Variants in SFSWAP observed in about 807,000 individuals in gnomAD.
SFSWAP encodes the protein splicing factor, suppressor of white-apricot homolog.
A neutral mutation model predicts 100.7 loss-of-function variants in SFSWAP; 17 were observed. The ratio of observed to expected loss-of-function variants is 0.17; its 90% CI spans 0.12 to 0.25. The LOEUF is 0.25. SFSWAP is among the 10% of genes least tolerant of loss of function. The pLI, the probability that SFSWAP is intolerant of heterozygous loss-of-function variation, is 1.00. For missense variants in SFSWAP, 1,005 were observed against 1,262.6 expected (o/e 0.80, Z 3.09); for synonymous variants, 504 against 510.1 (o/e 0.99, Z 0.16).
intron 11 of SFSWAP, among the ~76,000 whole-genome samples, chr12:131,758,610 T>C (rs1454102709): frequency 6.6e-6 from 1 of 152,170 alleles, no homozygotes; most frequent in Non-Finnish European, 1.5e-5. Flanking sequence ...ATGGAAAATA[T>C]TATAAAACTA....
At position 131,786,585 on chromosome 12, in the gene SFSWAP, C is replaced by T; in HGVS notation, c.2531C>T (p.Ser844Phe). The change falls in exon 15 of 18, where the codon TCC becomes TTC. Residue 844 changes from serine (S) to phenylalanine (F), a missense_variant. Physicochemically the swap from Ser to Phe is radical, Grantham distance 155. Coordinates refer to ENST00000261674, the MANE Select transcript of SFSWAP (RefSeq NM_004592.4). ...GGGGCCAGTAGGAAGCGGACCCGCT[C>T]CAGGTAGGCCACTGGGTGTGCACGC... ...SPGASRKRTR[S>F]RSPHEKKKKR... The T allele has an allele frequency of 6.3e-7, 1 of 1,588,922 alleles. No individual in the cohort carries two copies.
At position 131,796,981 on chromosome 12, in the gene SFSWAP, AAATGGGGACGCGTC is replaced by A. The variant is rs1885722351; in HGVS notation, c.2535-195_2535-182del. 9.3e-6 allele frequency: 5 copies of A among 534,908 alleles called. No individual in the cohort carries two copies. In the African/African-American group the frequency reaches 9.5e-5, roughly 10 times the overall value. The allele number at this position is 534,908 out of a possible 1,614,324, so 33.1% of individuals were successfully genotyped here. On this transcript the variant is annotated intron_variant, in intron 15 of 17. Coordinates refer to ENST00000261674, the MANE Select transcript of SFSWAP (RefSeq NM_004592.4). ...CCACAAATATTTTACTTGAGGTCCTAAATGGGGACGCGTCATCTGTTATCAGTTAAATGAAATAA... is the reference window on the plus strand; with the variant it reads ...CCACAAATATTTTACTTGAGGTCCTAATCTGTTATCAGTTAAATGAAATAA...
rs867621881 is a variant in SFSWAP, at chr12:131,786,290, C to T, written c.2409-173C>T. Among the ~76,000 whole-genome samples, 94 of 152,280 alleles carry T rather than the reference C, an allele frequency of 6.2e-4. 2 individuals carry two copies. Among genetic ancestry groups the T allele is most frequent in the Middle Eastern group, 3.4e-3 (1 of 294 alleles). ...TTGGATTCGGGTTTCAGTTCGTTGT[C>T]GGTAAAGTAGTGAAGTGTGGCAGGG... On this transcript the variant is annotated intron_variant, in intron 14 of 17. Transcript: ENST00000261674.
intron 3 of SFSWAP, among the ~76,000 whole-genome samples, chr12:131,718,405 A>G (rs1227418502): frequency 6.6e-6 from 1 of 152,202 alleles, no homozygotes; most frequent in Non-Finnish European, 1.5e-5. Flanking sequence ...AAAGTTTGCT[A>G]TGATATTTTT....
In SFSWAP at chr12:131,711,480, C is replaced by G. The variant is rs555118505; in HGVS notation, c.218+33C>G. The G allele has an allele frequency of 6.5e-7, 1 of 1,535,780 alleles. No homozygotes were observed. Among genetic ancestry groups the G allele is most frequent in the South Asian group, 1.1e-5 (1 of 89,554 alleles). On this transcript the variant is annotated intron_variant, in intron 1 of 17. Coordinates refer to ENST00000261674, the MANE Select transcript of SFSWAP (RefSeq NM_004592.4). The surrounding 1 kb of genome is among the most constrained non-coding windows in gnomAD (Gnocchi z 4.9). ...CCTCTCCCCACCCGTCGATCCTTCCCTTCCCTCACCCGCTTGATCTCGTCT... is the reference window on the plus strand; with the variant it reads ...CCTCTCCCCACCCGTCGATCCTTCCGTTCCCTCACCCGCTTGATCTCGTCT...
chr12:131,791,453 A>G (rs1885220842), intron 15 of SFSWAP, among the ~76,000 whole-genome samples: 1 of 151,862 alleles, frequency 6.6e-6, no homozygotes, highest in African/African-American at 2.4e-5. Context: ...AGTGAATTCT[A>G]ACATTCAAGA....
chr12:131,745,806 A>G (rs942099507), intron 7 of SFSWAP, among the ~76,000 whole-genome samples: 1 of 149,976 alleles, frequency 6.7e-6, no homozygotes. Context: ...ATTTTACATT[A>G]AATAGTGGAA....
rs1016067990 is a variant in SFSWAP at position 131,725,235 on chromosome 12, G to A, written c.607-170G>A. 5.9e-5 allele frequency among the ~76,000 whole-genome samples: 9 copies of A among 152,194 alleles called. No individual in the cohort carries two copies. The highest frequency in any genetic ancestry group is 2.2e-4 in the African/African-American group (9 of 41,450). ...CGAGCTTTCTCCCCTGCAAAATCCT[G>A]TCAAGATTTGGAGATGAGGAGTCCG... On this transcript the variant is annotated intron_variant, in intron 4 of 17. Transcript: ENST00000261674. This position sits in a 1 kb window ranked among gnomAD's most constrained non-coding sequence, Gnocchi z 4.3.
chr12:131,798,976 C>T lies in SFSWAP; in HGVS notation c.2718-61C>T, dbSNP rs533007830. On this transcript the variant is annotated intron_variant, in intron 16 of 17. Transcript: ENST00000261674. ...GGTTCGGAGGTGGGGATGCTGTTCA[C>T]TGGCCTTGGCTCAGCATCTTCACAC... 2.2e-4 allele frequency: 281 copies of T among 1,269,828 alleles called. 4 individuals are homozygous for T. The South Asian group carries it at 3.2e-3, about 15-fold the overall frequency. 78.7% of individuals were successfully genotyped at this position (1,269,828 alleles called of 1,614,324 possible). A position where few individuals can be genotyped will look rare whatever the true frequency, so the allele number is the denominator to read the frequency against.
At chr12:131,791,682 G>A (rs1245972427) in intron 15 of SFSWAP, among the ~76,000 whole-genome samples, 1 of 152,232 alleles carries the variant, frequency 6.6e-6, no homozygotes, top group Non-Finnish European at 1.5e-5. Flanking sequence ...AACTCGGGAG[G>A]CGGAGGTTGC....
At chr12:131,741,117 G>A (rs374677942) in intron 7 of SFSWAP, among the ~76,000 whole-genome samples, 183 of 151,490 alleles carry the variant, frequency 1.2e-3, no homozygotes, top group Non-Finnish European at 2.1e-3. Context: ...GATTACAGGC[G>A]TCCGACACCA....
intron 7 of SFSWAP, among the ~76,000 whole-genome samples, chr12:131,745,155 G>A (rs1880996935): frequency 6.6e-6 from 1 of 152,334 alleles, no homozygotes; most frequent in South Asian, 2.1e-4. Context: ...TTAAGTATTT[G>A]GGAGGATGGG....
At chr12:131,765,692 T>A (rs887422193) in intron 12 of SFSWAP, among the ~76,000 whole-genome samples, 4 of 151,884 alleles carry the variant, frequency 2.6e-5, no homozygotes, top group African/African-American at 9.7e-5. Flanking sequence ...CAATCCACCA[T>A]CAAGAACTTC....
rs201646614 is a variant in SFSWAP, at chr12:131,778,169, G to A, written c.2247G>A (p.Pro749=). The change falls in exon 14 of 18, where the codon CCG becomes CCA. Residue 749 remains proline, a synonymous_variant. Coordinates refer to ENST00000261674, the MANE Select transcript of SFSWAP (RefSeq NM_004592.4). This position sits in a 1 kb window ranked among gnomAD's most constrained non-coding sequence, Gnocchi z 4.2. The part of the protein sequence containing the change: ...DRPSSKSKDP[P]REEEKEKKKK... ...CTTCGAGCAAAAGCAAAGATCCACCGAGAGAAGAAGAGAAAGAAAAGAAAA... is the reference window on the plus strand; with the variant it reads ...CTTCGAGCAAAAGCAAAGATCCACCAAGAGAAGAAGAGAAAGAAAAGAAAA... 126 of 1,613,844 alleles carry A rather than the reference G, an allele frequency of 7.8e-5. No individual in the cohort carries two copies. Among genetic ancestry groups the A allele is most frequent in the South Asian group, 4.0e-4 (36 of 91,034 alleles).
chr12:131,737,230 C>T lies in SFSWAP; in HGVS notation c.1081+8802C>T, dbSNP rs191704010. Among the ~76,000 whole-genome samples the T allele has an allele frequency of 9.9e-5, 15 of 152,176 alleles. No individual in the cohort carries two copies. In the East Asian group the frequency reaches 2.3e-3, roughly 24 times the overall value. On this transcript the variant is annotated intron_variant, in intron 7 of 17. Transcript: ENST00000261674. Reference sequence around the variant, plus strand: ...GAGGCGAGGTGACTCAAGGGGAGGGCAGCACGAGGCAGTCTGTTCACGTCA... The same window carrying T: ...GAGGCGAGGTGACTCAAGGGGAGGGTAGCACGAGGCAGTCTGTTCACGTCA...
Position 131,734,513 on chromosome 12 carries a change from A to G in SFSWAP, c.1081+6085A>G, listed in dbSNP as rs1879812186. Among the ~76,000 whole-genome samples, 1 of 152,154 alleles carries G rather than the reference A, an allele frequency of 6.6e-6. No individual in the cohort carries two copies. The highest frequency in any genetic ancestry group is 1.5e-5 in the Non-Finnish European group (1 of 68,034). ...TTGTGTTACCACACTTCTGTTTTAGAGCCTGTTACGGTTTTGAGTTACACA... is the reference window on the plus strand; with the variant it reads ...TTGTGTTACCACACTTCTGTTTTAGGGCCTGTTACGGTTTTGAGTTACACA... On this transcript the variant is annotated intron_variant, in intron 7 of 17. Transcript: ENST00000261674. This position sits in a 1 kb window ranked among gnomAD's most constrained non-coding sequence, Gnocchi z 4.9.
At chr12:131,773,481 C>T (rs897671436) in intron 13 of SFSWAP, among the ~76,000 whole-genome samples, 1 of 152,092 alleles carries the variant, frequency 6.6e-6, no homozygotes, top group African/African-American at 2.4e-5. Context: ...CTAGGACTTA[C>T]ATGCACTTGC....
At chr12:131,759,595 C>G (rs1164261997) in intron 11 of SFSWAP, among the ~76,000 whole-genome samples, 1 of 151,804 alleles carries the variant, frequency 6.6e-6, no homozygotes, top group Admixed American at 6.6e-5. Context: ...GTCAGGAGAT[C>G]GAGACCATCC....
intron 12 of SFSWAP, 36 bp from the exon 13 acceptor site, chr12:131,766,082 T>C (rs1463759490): frequency 6.4e-7 from 1 of 1,572,822 alleles, no homozygotes; most frequent in Admixed American, 2.0e-5. Context: ...TACTGTTTGC[T>C]CTAAACTTCT....
Sources: allele counts gnomAD v4.1 joint callset (sites outside exome capture counted in the v4.1 genomes callset), GRCh38; gene constraint gnomAD v4.1.1; non-coding constraint Gnocchi (gnomAD v3.1); transcripts MANE v1.5; gene names NCBI Gene and HGNC (gene_info 2026-07-23, HGNC 2026-07-21).